The following ANKS1B variants were observed in gnomAD, a reference collection of about 807,000 sequenced individuals.
The protein encoded by ANKS1B is ankyrin repeat and sterile alpha motif domain containing 1B.
In ANKS1B, 36 loss-of-function variants were observed where a neutral mutation model predicts 148.3. That is an observed-to-expected ratio of 0.24 (90% CI 0.19 to 0.32). The LOEUF (loss-of-function observed/expected upper bound fraction) is 0.32. ANKS1B is among the 10% of genes least tolerant of loss of function. The probability of loss-of-function intolerance (pLI) is 1.00; values close to 1 mark genes in which losing one functional copy is unlikely to be tolerated. For missense variants in ANKS1B, 1,157 were observed against 1,542.6 expected, an observed-to-expected ratio of 0.75 and a Z score of 4.19; for synonymous variants, 542 against 560.8, an observed-to-expected ratio of 0.97 and a Z score of 0.47.
chr12:99,591,382 G>C (rs908376383), intron 9 of ANKS1B, among the ~76,000 whole-genome samples: 11 of 151,948 alleles, frequency 7.2e-5, no homozygotes, highest in Admixed American at 5.3e-4. Flanking sequence ...GATGGTCAAA[G>C]TAACCATGAC....
rs2098399912 is a variant in ANKS1B at position 99,648,941 on chromosome 12, T to C, written c.1272+6126A>G. On this transcript the variant is annotated intron_variant, in intron 9 of 26. Transcript: ENST00000683438. ...ATGAGCTTCCATTTGGAGGCCATGG[T>C]ACATTGAGGAGGTTCCTAGTGCTTC... 3.2e-5 allele frequency: 36 copies of C among 1,133,724 alleles called. No homozygotes were observed. The South Asian group carries it at 6.1e-4, about 19-fold the overall frequency. The allele number at this position is 1,133,724 out of a possible 1,614,324, so 70.2% of individuals were successfully genotyped here. A position where few individuals can be genotyped will look rare whatever the true frequency, so the allele number is the denominator to read the frequency against.
chr12:99,039,342 C>T (rs1340317590), intron 17 of ANKS1B, among the ~76,000 whole-genome samples: 3 of 152,224 alleles, frequency 2.0e-5, no homozygotes, highest in South Asian at 2.1e-4. Flanking sequence ...TTGCCTCCCA[C>T]GTCTTCCTCT....
intron 12 of ANKS1B, among the ~76,000 whole-genome samples, chr12:99,283,049 G>T (rs2078681823): frequency 6.6e-6 from 1 of 152,168 alleles, no homozygotes; most frequent in East Asian, 1.9e-4. Flanking sequence ...GAGAATAAAA[G>T]GAAGCAGCTG....
At chr12:98,856,148 A>G (rs1028739465) in intron 17 of ANKS1B, among the ~76,000 whole-genome samples, 7 of 152,258 alleles carry the variant, frequency 4.6e-5, no homozygotes, top group Non-Finnish European at 1.0e-4. Context: ...TGCATATATC[A>G]GTGGCTAGGA....
chr12:99,293,367 G>A (rs963212100), intron 12 of ANKS1B, among the ~76,000 whole-genome samples: 1 of 151,888 alleles, frequency 6.6e-6, no homozygotes, highest in Non-Finnish European at 1.5e-5. Flanking sequence ...GGGGGCTGGG[G>A]AAGGGATAGC....
At position 99,243,587 on chromosome 12, in the gene ANKS1B, T is replaced by C. The variant is rs183517163; in HGVS notation, c.2419+755A>G. Among the ~76,000 whole-genome samples, 11 of 152,354 alleles carry C rather than the reference T, an allele frequency of 7.2e-5. No homozygotes were observed. In the East Asian group the frequency reaches 2.1e-3, roughly 29 times the overall value. Reference sequence around the variant, plus strand: ...GAAGACACATGCACACGTATGTTTATTGTGGCACTATTCACAATAGCAAAG... The same window carrying C: ...GAAGACACATGCACACGTATGTTTACTGTGGCACTATTCACAATAGCAAAG... On this transcript the variant is annotated intron_variant, in intron 14 of 26. Coordinates refer to ENST00000683438, the MANE Select transcript of ANKS1B (RefSeq NM_001352186.2).
intron 16 of ANKS1B, among the ~76,000 whole-genome samples, chr12:99,075,978 A>G (rs1401021244): frequency 1.3e-5 from 2 of 151,558 alleles, no homozygotes; most frequent in African/African-American, 4.8e-5. Flanking sequence ...TTTCAAAGGT[A>G]TCTCTATATA....
chr12:99,641,137 C>T (rs889215095), intron 9 of ANKS1B, among the ~76,000 whole-genome samples: 3 of 152,114 alleles, frequency 2.0e-5, no homozygotes, highest in Non-Finnish European at 4.4e-5. Context: ...ACTGCCAATC[C>T]TACCAAAACT....
intron 12 of ANKS1B, among the ~76,000 whole-genome samples, chr12:99,282,728 A>G (rs551798142): frequency 9.8e-5 from 15 of 152,304 alleles, no homozygotes; most frequent in African/African-American, 3.6e-4. Context: ...AGTGAAAAGG[A>G]TGGAGTTTTC....
intron 17 of ANKS1B, among the ~76,000 whole-genome samples, chr12:99,033,359 G>A (rs573609743): frequency 9.0e-4 from 137 of 152,348 alleles, no homozygotes; most frequent in Non-Finnish European, 1.6e-3. Context: ...TATAAGAAAT[G>A]CAGGTTTATA....
At chr12:99,504,368 G>A in intron 10 of ANKS1B, 108 bp downstream of exon 10, 11 of 1,128,978 alleles carry the variant, frequency 9.7e-6, no homozygotes, top group Non-Finnish European at 1.3e-5. Context: ...CTACATTGGG[G>A]GAACTTTCAT....
At chr12:99,370,890 G>A (rs534354043) in intron 12 of ANKS1B, among the ~76,000 whole-genome samples, 1 of 152,268 alleles carries the variant, frequency 6.6e-6, no homozygotes, top group African/African-American at 2.4e-5. Flanking sequence ...GTACTTCGAT[G>A]CACTCTACTG....
chr12:99,831,064 C>A (rs993217348), intron 1 of ANKS1B, among the ~76,000 whole-genome samples: 1 of 152,024 alleles, frequency 6.6e-6, no homozygotes, highest in Non-Finnish European at 1.5e-5. Context: ...TATTTATATG[C>A]TTACTGTCTG....
intron 1 of ANKS1B, among the ~76,000 whole-genome samples, chr12:99,894,695 AAT>A (rs1317130446): frequency 1.3e-5 from 2 of 149,870 alleles, no homozygotes; most frequent in Non-Finnish European, 3.0e-5. Context: ...TTTATTATAA[AAT>A]AGTCTTTGTG....
At chr12:99,056,658 T>C (rs573603990) in intron 16 of ANKS1B, among the ~76,000 whole-genome samples, 3 of 152,344 alleles carry the variant, frequency 2.0e-5, no homozygotes, top group African/African-American at 7.2e-5. Context: ...TGCTATTGTG[T>C]ACCCAATAAA....
chr12:99,105,354 ACTT>A (rs930307928), intron 15 of ANKS1B, among the ~76,000 whole-genome samples: 1 of 152,100 alleles, frequency 6.6e-6, no homozygotes, highest in Admixed American at 6.5e-5. Context: ...GGAACAGTAA[ACTT>A]CTCAGAATTA....
intron 9 of ANKS1B, among the ~76,000 whole-genome samples, chr12:99,634,962 C>T (rs550939502): frequency 6.6e-6 from 1 of 152,272 alleles, no homozygotes; most frequent in African/African-American, 2.4e-5. Flanking sequence ...CTTGAATAGA[C>T]ACTTTTCCAG....
intron 22 of ANKS1B, among the ~76,000 whole-genome samples, chr12:98,788,023 A>G (rs1161717258): frequency 6.6e-6 from 1 of 152,042 alleles, no homozygotes; most frequent in Non-Finnish European, 1.5e-5. Flanking sequence ...TGGTACCCAG[A>G]GCCAGCAAAG....
At chr12:99,877,636 G>C (rs1023076737) in intron 1 of ANKS1B, among the ~76,000 whole-genome samples, 1 of 152,198 alleles carries the variant, frequency 6.6e-6, no homozygotes, top group African/African-American at 2.4e-5. Flanking sequence ...GTTGAAAATT[G>C]CTTTCCTTCA....
Sources: gnomAD v4.1 joint callset for allele counts (sites outside exome capture counted in the v4.1 genomes callset) on GRCh38, gnomAD v4.1.1 for gene constraint, MANE v1.5 for transcripts, NCBI Gene and HGNC (gene_info 2026-07-23, HGNC 2026-07-21) for gene names.